The following ARFGEF1 variants were observed in gnomAD, a reference collection of about 807,000 sequenced individuals.
The protein encoded by ARFGEF1 is brefeldin A-inhibited guanine nucleotide-exchange protein 1.
ARFGEF1 carries 42 observed loss-of-function variants against 231.0 expected under a neutral mutation model. The observed-to-expected ratio is 0.18, with a 90% confidence interval of 0.14 to 0.24. The LOEUF (loss-of-function observed/expected upper bound fraction) is 0.24. Ranked by LOEUF, ARFGEF1 falls within the 10% of genes least tolerant of loss-of-function variation. The probability of loss-of-function intolerance (pLI) is 1.00; values close to 1 mark genes in which losing one functional copy is unlikely to be tolerated. For synonymous variants in ARFGEF1, 710 were observed against 732.3 expected, an observed-to-expected ratio of 0.97 and a Z score of 0.49; for missense variants, 1,345 against 2,192.0, an observed-to-expected ratio of 0.61 and a Z score of 7.72.
intron 1 of ARFGEF1, among the ~76,000 whole-genome samples, chr8:67,326,967 G>A (rs1459337741): frequency 6.6e-6 from 1 of 152,144 alleles, no homozygotes. Context: ...CCTATTATTA[G>A]AAGCTAATTG....
chr8:67,231,795 T>C (rs1210988853), intron 23 of ARFGEF1, among the ~76,000 whole-genome samples: 3 of 152,034 alleles, frequency 2.0e-5, no homozygotes, highest in South Asian at 4.1e-4. Flanking sequence ...AGTTTCCTCA[T>C]TGTAAATTGA....
At chr8:67,235,343 A>G (rs950777776) in intron 22 of ARFGEF1, among the ~76,000 whole-genome samples, 15 of 152,120 alleles carry the variant, frequency 9.9e-5, no homozygotes, top group African/African-American at 3.6e-4. Context: ...GGCTTCACGT[A>G]TGATGAAATA....
intron 1 of ARFGEF1, among the ~76,000 whole-genome samples, chr8:67,318,239 GAAAAAAAAAA>G (rs34563091): frequency 1.3e-5 from 1 of 78,202 alleles, no homozygotes; most frequent in East Asian, 3.4e-4. Flanking sequence ...TCCGTCTCAA[GAAAAAAAAAA>G]AAAAAAAAAG....
intron 7 of ARFGEF1, among the ~76,000 whole-genome samples, chr8:67,280,550 G>A (rs1367382622): frequency 6.6e-6 from 1 of 152,214 alleles, no homozygotes; most frequent in Non-Finnish European, 1.5e-5. Flanking sequence ...GGTTGGGAGA[G>A]TGAGAACAAA....
At chr8:67,332,283 T>C (rs1040305764) in intron 1 of ARFGEF1, among the ~76,000 whole-genome samples, 4 of 152,228 alleles carry the variant, frequency 2.6e-5, no homozygotes, top group Admixed American at 2.0e-4. Flanking sequence ...TTTGTTCTTG[T>C]ATCAATTCTT....
At chr8:67,316,027 T>A (rs2128924514) in intron 1 of ARFGEF1, among the ~76,000 whole-genome samples, 1 of 151,898 alleles carries the variant, frequency 6.6e-6, no homozygotes, top group East Asian at 1.9e-4. Flanking sequence ...AAAATCAATT[T>A]AAAAAGCTGA....
intron 38 of ARFGEF1, 137 bp from the exon 39 acceptor site, chr8:67,199,235 G>A (rs1838224477): frequency 1.1e-6 from 1 of 945,334 alleles, no homozygotes. Context: ...ACTCTGGTTT[G>A]TGGAACTGAG....
chr8:67,206,621 A>G (rs1262505613), intron 34 of ARFGEF1, among the ~76,000 whole-genome samples: 1 of 152,170 alleles, frequency 6.6e-6, no homozygotes, highest in Non-Finnish European at 1.5e-5. Flanking sequence ...TTGTCTGACC[A>G]TGCCAGCTAA....
chr8:67,304,097 C>T (rs1587269654), intron 1 of ARFGEF1, among the ~76,000 whole-genome samples: 2 of 152,150 alleles, frequency 1.3e-5, no homozygotes, highest in South Asian at 4.1e-4. Context: ...ACAAACTGTG[C>T]TAAATTGGGG....
chr8:67,288,015 C>T lies in ARFGEF1; in HGVS notation c.967G>A (p.Glu323Lys). 2 of 1,608,364 alleles carry T rather than the reference C, an allele frequency of 1.2e-6. No homozygotes were observed. Among genetic ancestry groups the T allele is most frequent in the Non-Finnish European group, 1.7e-6 (2 of 1,178,242 alleles). The change falls in exon 7 of 39, where the codon GAA (glutamate) becomes AAA (lysine). Residue 323 changes from glutamate (E) to lysine (K), a missense_variant. This residue lies in a region of ARFGEF1 where 398 missense variants were observed against 463.2 expected (regional missense o/e 0.86). Coordinates refer to ENST00000262215, the MANE Select transcript of ARFGEF1 (RefSeq NM_006421.5). Reference protein sequence around the residue: ...LYDGENHDCEEKPQDIVQNIV... With the variant: ...LYDGENHDCEKKPQDIVQNIV... ...TTCTGTACAATGTCTTGTGGCTTTT[C>T]CTCACAATCATGGTTTTCTCCGTCA...
At chr8:67,231,985 A>G (rs1179071049) in intron 23 of ARFGEF1, among the ~76,000 whole-genome samples, 1 of 151,998 alleles carries the variant, frequency 6.6e-6, no homozygotes, top group East Asian at 1.9e-4. Context: ...AAACACAAAA[A>G]ACAACAGCAA....
chr8:67,201,456 A>T lies in ARFGEF1; in HGVS notation c.5267+11T>A, dbSNP rs766027770. On this transcript the variant is annotated intron_variant, in intron 37 of 38. Transcript: ENST00000262215. ...ACCTGGTCAGAGATGGAAATCAGTC[A>T]AAAGTCTTACTTCAAAAGCCTCTGC... 2 of 1,600,696 alleles carry T rather than the reference A, an allele frequency of 1.2e-6. No homozygotes were observed. The highest frequency in any genetic ancestry group is 2.7e-5 in the African/African-American group (2 of 73,774).
rs1432101326 is a variant in ARFGEF1 at position 67,222,190 on chromosome 8, T to C, written c.4209-2630A>G. On this transcript the variant is annotated intron_variant, in intron 29 of 38. Coordinates refer to ENST00000262215, the MANE Select transcript of ARFGEF1 (RefSeq NM_006421.5). Reference sequence around the variant, plus strand: ...ATATATATATATATACACATATATATATATATATATATATACACACACATA... The same window carrying C: ...ATATATATATATATACACATATATACATATATATATATATACACACACATA... 1.1e-3 allele frequency among the ~76,000 whole-genome samples: 147 copies of C among 134,914 alleles called. 3 individuals carry two copies. Among genetic ancestry groups the C allele is most frequent in the African/African-American group, 3.6e-3 (118 of 33,108 alleles). The allele number at this position is 134,914 out of a possible 152,430, so 88.5% of individuals were successfully genotyped here.
chr8:67,225,099 T>C, intron 28 of ARFGEF1, 66 bp from the exon 29 acceptor site: 2 of 1,339,784 alleles, frequency 1.5e-6, no homozygotes, highest in Non-Finnish European at 2.0e-6. Context: ...TATACTAACT[T>C]CTCAAAAAAT....
intron 34 of ARFGEF1, among the ~76,000 whole-genome samples, chr8:67,205,869 T>G (rs947051467): frequency 1.4e-5 from 2 of 143,038 alleles, no homozygotes; most frequent in Admixed American, 1.3e-4. Flanking sequence ...AAAAAATAAA[T>G]AAATAAATAA....
At chr8:67,191,859 C>T (rs1836348814) in intron 5 of ARFGEF1, among the ~76,000 whole-genome samples, 1 of 152,116 alleles carries the variant, frequency 6.6e-6, no homozygotes, top group Admixed American at 6.5e-5. Flanking sequence ...ACCATTTTAC[C>T]TTCCCATCAT....
chr8:67,259,000 C>G (rs1587151170), intron 15 of ARFGEF1, among the ~76,000 whole-genome samples: 1 of 152,184 alleles, frequency 6.6e-6, no homozygotes, highest in Middle Eastern at 3.4e-3. Context: ...ACTCCCATAT[C>G]TAGATTACTT....
At position 67,267,242 on chromosome 8, in the gene ARFGEF1, T is replaced by A. The variant is rs1804885779; in HGVS notation, c.1673-12A>T. 6.2e-7 allele frequency: 1 copy of A among 1,609,730 alleles called. No individual in the cohort carries two copies. Among genetic ancestry groups the A allele is most frequent in the African/African-American group, 1.3e-5 (1 of 74,724 alleles). On this transcript the variant is annotated splice_polypyrimidine_tract_variant and intron_variant, in intron 11 of 38. Coordinates refer to ENST00000262215, the MANE Select transcript of ARFGEF1 (RefSeq NM_006421.5). ...TACACTCTGAGCATCTGTAACAATA[T>A]AACATTAATTTCAACAAAGTACATC...
At chr8:67,267,065 T>C (rs1401152417) in intron 12 of ARFGEF1, 26 bp downstream of exon 12, 3 of 1,609,806 alleles carry the variant, frequency 1.9e-6, no homozygotes. Context: ...AAAGTTTAAA[T>C]TTGAAAATGT....
Sources: gnomAD v4.1 joint callset for allele counts (sites outside exome capture counted in the v4.1 genomes callset) on GRCh38, gnomAD v4.1.1 for gene constraint, gnomAD v4.1.1 regional missense constraint, MANE v1.5 for transcripts, NCBI Gene and HGNC (gene_info 2026-07-23, HGNC 2026-07-21) for gene names.